Variants in SETBP1 observed in about 807,000 individuals in gnomAD.
SETBP1 encodes SET-binding protein.
A neutral mutation model predicts 101.0 loss-of-function variants in SETBP1; 9 were observed. That is an observed-to-expected ratio of 0.09 (90% CI 0.05 to 0.16). The LOEUF is 0.16. SETBP1 is among the 10% of genes least tolerant of loss of function. The pLI is 1.00. For missense variants in SETBP1, 1,858 were observed against 2,033.8 expected (o/e 0.91, Z 1.66); for synonymous variants, 818 against 788.5 (o/e 1.04, Z -0.63).
chr18:44,967,346 C>A (rs2071743187), intron 4 of SETBP1, among the ~76,000 whole-genome samples: 1 of 152,204 alleles, frequency 6.6e-6, no homozygotes, highest in African/African-American at 2.4e-5. Context: ...ATGTGTATGA[C>A]TATTCAGTAG....
chr18:44,717,029 T>A (rs968112854), intron 2 of SETBP1, among the ~76,000 whole-genome samples: 2 of 152,146 alleles, frequency 1.3e-5, no homozygotes, highest in Non-Finnish European at 2.9e-5. Context: ...ACAACCGCAA[T>A]GTGATGTTAC....
chr18:44,999,787 A>G (rs2072578771), intron 4 of SETBP1, among the ~76,000 whole-genome samples: 1 of 152,232 alleles, frequency 6.6e-6, no homozygotes, highest in Non-Finnish European at 1.5e-5. Context: ...ATTATTTTTA[A>G]GGATGTAATT....
chr18:44,680,841 G>A (rs1392381589), upstream of SETBP1: 2 of 149,542 alleles, frequency 1.3e-5, no homozygotes, highest in Non-Finnish European at 3.0e-5. Flanking sequence ...GGAGGGGGAG[G>A]GGGTAAGGAA....
At chr18:45,010,141 C>G (rs1203959211) in intron 4 of SETBP1, among the ~76,000 whole-genome samples, 1 of 152,202 alleles carries the variant, frequency 6.6e-6, no homozygotes, top group African/African-American at 2.4e-5. Flanking sequence ...CCATCTGCTT[C>G]TATCCCACCC....
chr18:44,742,798 A>G (rs1373166706), intron 2 of SETBP1, among the ~76,000 whole-genome samples: 5 of 152,192 alleles, frequency 3.3e-5, no homozygotes, highest in African/African-American at 1.2e-4. Flanking sequence ...ATCTATCTGA[A>G]CAGGTTAAAT....
At chr18:45,024,636 C>T (rs1194589481) in intron 4 of SETBP1, among the ~76,000 whole-genome samples, 1 of 152,214 alleles carries the variant, frequency 6.6e-6, no homozygotes, top group East Asian at 1.9e-4. Flanking sequence ...GTCAGTCTTG[C>T]TACAATGTAA....
intron 2 of SETBP1, among the ~76,000 whole-genome samples, chr18:44,846,260 T>C (rs2072722804): frequency 6.6e-6 from 1 of 152,240 alleles, no homozygotes; most frequent in East Asian, 1.9e-4. Flanking sequence ...GCTCCCATAG[T>C]ATCTTTTCTT....
At chr18:44,976,721 T>C (rs1241177031) in intron 4 of SETBP1, among the ~76,000 whole-genome samples, 2 of 152,184 alleles carry the variant, frequency 1.3e-5, no homozygotes, top group Non-Finnish European at 2.9e-5. Flanking sequence ...TATGGGTGAG[T>C]TATTTACTTC....
intron 4 of SETBP1, among the ~76,000 whole-genome samples, chr18:44,960,582 G>A (rs1289485008): frequency 6.6e-6 from 1 of 152,120 alleles, no homozygotes; most frequent in Non-Finnish European, 1.5e-5. Flanking sequence ...GGGCTCAAGT[G>A]ATCCTCCCTC....
chr18:44,714,921 T>G (rs1599024762), intron 2 of SETBP1, among the ~76,000 whole-genome samples: 1 of 152,280 alleles, frequency 6.6e-6, no homozygotes, highest in East Asian at 1.9e-4. Context: ...TTCCTTCTTT[T>G]GGGTTTGCTC....
intron 3 of SETBP1, 82 bp from the exon 4 acceptor site, chr18:44,949,799 G>A: frequency 1.8e-6 from 2 of 1,116,382 alleles, no homozygotes; most frequent in Non-Finnish European, 2.6e-6. Flanking sequence ...GACTTTTGAT[G>A]TCAAATATTA....
intron 4 of SETBP1, among the ~76,000 whole-genome samples, chr18:45,017,061 C>CCCCCA (rs1187342270): frequency 6.6e-6 from 1 of 152,130 alleles, no homozygotes; most frequent in Admixed American, 6.5e-5. Context: ...GGTCACTAGA[C>CCCCCA]CGGGCCCAGC....
chr18:44,795,598 A>C (rs1347959682), intron 2 of SETBP1, among the ~76,000 whole-genome samples: 5 of 152,224 alleles, frequency 3.3e-5, no homozygotes, highest in Non-Finnish European at 7.3e-5. Flanking sequence ...TTTAAGGTGG[A>C]AAAGGCTACA....
At chr18:44,729,770 C>T (rs2069794091) in intron 2 of SETBP1, among the ~76,000 whole-genome samples, 1 of 152,022 alleles carries the variant, frequency 6.6e-6, no homozygotes. Context: ...TTGGAGATTA[C>T]AAGCATTTAA....
intron 2 of SETBP1, among the ~76,000 whole-genome samples, chr18:44,786,344 C>T (rs113003159): frequency 4.3e-4 from 65 of 152,220 alleles, no homozygotes; most frequent in African/African-American, 1.5e-3. Flanking sequence ...GACAACAGCC[C>T]AGATTTAGTC....
chr18:44,701,870 C>G (rs1568098025), intron 2 of SETBP1, 38 bp downstream of exon 2: 1 of 1,603,082 alleles, frequency 6.2e-7, no homozygotes, highest in Middle Eastern at 1.7e-4. Flanking sequence ...TTGTTTGTTT[C>G]TCTGTTTTTG....
intron 4 of SETBP1, among the ~76,000 whole-genome samples, chr18:45,013,514 A>G (rs1203336171): frequency 6.6e-6 from 1 of 151,912 alleles, no homozygotes; most frequent in African/African-American, 2.4e-5. Flanking sequence ...ACCTGGGCTC[A>G]TCGCAACTTC....
At chr18:45,015,302 G>A (rs1425745473) in intron 4 of SETBP1, among the ~76,000 whole-genome samples, 1 of 152,198 alleles carries the variant, frequency 6.6e-6, no homozygotes, top group African/African-American at 2.4e-5. Context: ...AGGTGTGTCA[G>A]GCCATCTCAC....
chr18:44,764,443 CCTTCTTT>C (rs962871224), intron 2 of SETBP1, among the ~76,000 whole-genome samples: 3 of 152,032 alleles, frequency 2.0e-5, no homozygotes, highest in Non-Finnish European at 4.4e-5. Flanking sequence ...TCTTCTTCTT[CCTTCTTT>C]CTTCTTCTTT....
Sources: gnomAD v4.1 joint callset for allele counts (sites outside exome capture counted in the v4.1 genomes callset) on GRCh38, gnomAD v4.1.1 for gene constraint, MANE v1.5 for transcripts, NCBI Gene and HGNC (gene_info 2026-07-23, HGNC 2026-07-21) for gene names.